ADAM28: variants seen among roughly 807,000 people sequenced by gnomAD.
ADAM28 encodes the protein ADAM metallopeptidase domain 28, also known as disintegrin and metalloproteinase domain-containing protein 28.
In ADAM28, 105 loss-of-function variants were observed where a neutral mutation model predicts 101.2. That is an observed-to-expected ratio of 1.04 (90% CI 0.89 to 1.22). ADAM28 has a LOEUF of 1.22. Among genes scored for constraint, ADAM28 ranks in the 50% most tolerant of loss-of-function variants. The pLI is 0.00. For synonymous variants in ADAM28, 322 were observed against 310.6 expected, an observed-to-expected ratio of 1.04 and a Z score of -0.39; for missense variants, 1,028 against 945.4, an observed-to-expected ratio of 1.09 and a Z score of -1.15.
At chr8:24,333,177 T>G (rs1386956223) in intron 13 of ADAM28, among the ~76,000 whole-genome samples, 1 of 151,746 alleles carries the variant, frequency 6.6e-6, no homozygotes, top group Non-Finnish European at 1.5e-5. Context: ...GCTCGGAAAA[T>G]GGGGAGATGA....
intron 1 of ADAM28, among the ~76,000 whole-genome samples, chr8:24,299,290 T>C (rs1282745142): frequency 6.6e-6 from 1 of 152,224 alleles, no homozygotes; most frequent in Non-Finnish European, 1.5e-5. Flanking sequence ...TCTCTTTCAA[T>C]ATGACTGCAG....
At position 24,355,580 on chromosome 8, in the gene ADAM28, C is replaced by T. The variant is rs1310545197; in HGVS notation, c.*1176C>T. ...TTACAACACTTCTGGAAAATTTTTC[C>T]TCGTCTCTTTTTCTGGATATGGGCA... On this transcript the variant is annotated 3_prime_UTR_variant, in exon 23 of 23. Transcript: ENST00000265769. 2 of 151,034 alleles carry T rather than the reference C, an allele frequency of 1.3e-5. No individual in the cohort carries two copies. The highest frequency in any genetic ancestry group is 2.9e-5 in the Non-Finnish European group (2 of 67,824). 9.4% of individuals were successfully genotyped at this position (151,034 alleles called of 1,614,324 possible). A position where few individuals can be genotyped will look rare whatever the true frequency, so the allele number is the denominator to read the frequency against.
Position 24,294,142 on chromosome 8 carries a change from C to G in ADAM28, c.-8C>G, listed in dbSNP as rs1411871558. The G allele has an allele frequency of 6.2e-7, 1 of 1,614,132 alleles. No homozygotes were observed. The highest frequency in any genetic ancestry group is 8.5e-7 in the Non-Finnish European group (1 of 1,179,988). On this transcript the variant is annotated 5_prime_UTR_variant, in exon 1 of 23. It adds an upstream start codon to the 5' untranslated region. Coordinates refer to ENST00000265769, the MANE Select transcript of ADAM28 (RefSeq NM_014265.6). The stretch of plus-strand genomic sequence containing the variant: ...AGAGCAGACACCGTGCTCCTGGAAT[C>G]ACCCAGCATGTTGCAAGGTCTCCTG...
rs1816126073 is a variant in ADAM28, at chr8:24,351,442, T to C, written c.2178+132T>C. On this transcript the variant is annotated intron_variant, in intron 20 of 22. Transcript: ENST00000265769. The stretch of plus-strand genomic sequence containing the variant: ...GTAACACATTCAGAAATGTCTCCTT[T>C]GCCTTTTGTTAAAGGCAAAAGAGTC... The C allele has an allele frequency of 4.1e-6, 4 of 977,048 alleles. No individual in the cohort carries two copies. The East Asian group carries it at 1.0e-4, about 24-fold the overall frequency. The allele number at this position is 977,048 out of a possible 1,614,324, so 60.5% of individuals were successfully genotyped here.
chr8:24,340,025 TAAAG>T (rs1351008277), intron 15 of ADAM28, among the ~76,000 whole-genome samples: 1 of 152,156 alleles, frequency 6.6e-6, no homozygotes, highest in African/African-American at 2.4e-5. Flanking sequence ...TAGAATTACA[TAAAG>T]AAAAAATACA....
At chr8:24,344,280 A>AT (rs1815147542) in intron 18 of ADAM28, among the ~76,000 whole-genome samples, 2 of 151,968 alleles carry the variant, frequency 1.3e-5, no homozygotes, top group African/African-American at 4.8e-5. Context: ...TCATCACCAC[A>AT]TTTTCTCCTG....
intron 13 of ADAM28, among the ~76,000 whole-genome samples, chr8:24,333,070 A>T (rs1056767367): frequency 2.6e-5 from 4 of 152,240 alleles, no homozygotes; most frequent in Non-Finnish European, 4.4e-5. Context: ...CCAGCATAGA[A>T]AGACAAACAC....
chr8:24,325,897 AAAAC>A (rs1585631329), intron 9 of ADAM28, among the ~76,000 whole-genome samples: 10 of 147,834 alleles, frequency 6.8e-5, no homozygotes, highest in Non-Finnish European at 9.0e-5. Flanking sequence ...AAAAAAAAAA[AAAAC>A]CAAAAAACAA....
chr8:24,318,462 AG>A lies in ADAM28; in HGVS notation c.577-1772del, dbSNP rs528427344. On this transcript the variant is annotated intron_variant, in intron 6 of 22. Coordinates refer to ENST00000265769, the MANE Select transcript of ADAM28 (RefSeq NM_014265.6). Reference sequence around the variant, plus strand: ...ACCCTGCCCTGTGCCTTATTTAAATAGGAACTGTGCACTAATGGCCATCAGA... The same window carrying A: ...ACCCTGCCCTGTGCCTTATTTAAATAGAACTGTGCACTAATGGCCATCAGA... Among the ~76,000 whole-genome samples, 20 of 152,062 alleles carry A rather than the reference AG, an allele frequency of 1.3e-4. 2 individuals are homozygous for A. The South Asian group carries it at 4.1e-3, about 32-fold the overall frequency.
At chr8:24,305,451 C>CCTT (rs1231715996) in intron 2 of ADAM28, among the ~76,000 whole-genome samples, 3 of 65,448 alleles carry the variant, frequency 4.6e-5, no homozygotes, top group African/African-American at 5.9e-5. Context: ...TAAGAGGTTT[C>CCTT]TTTTTTTTTT....
At position 24,351,991 on chromosome 8, in the gene ADAM28, G is replaced by C; in HGVS notation, c.2183G>C (p.Ser728Thr). ...MVKAVQPQEM[S>T]QMKPHVYDLP... is the part of the protein sequence containing the mutation. ...AATATTCGTTCTTCTTTTCAGATGAGTCAGATGAAGCCCCATGTGTATGAT... is the reference window on the plus strand; with the variant it reads ...AATATTCGTTCTTCTTTTCAGATGACTCAGATGAAGCCCCATGTGTATGAT... Residue 728 changes from serine to threonine, a missense_variant, in exon 21 of 23, where the codon AGT becomes ACT. Physicochemically the swap from Ser to Thr is moderately conservative, Grantham distance 58. Coordinates refer to ENST00000265769, the MANE Select transcript of ADAM28 (RefSeq NM_014265.6). 6.2e-7 allele frequency: 1 copy of C among 1,613,518 alleles called. No homozygotes were observed. Among genetic ancestry groups the C allele is most frequent in the Non-Finnish European group, 8.5e-7 (1 of 1,179,624 alleles).
At chr8:24,353,266 A>AGGT (rs1816382233) in intron 21 of ADAM28, among the ~76,000 whole-genome samples, 2 of 152,022 alleles carry the variant, frequency 1.3e-5, no homozygotes, top group African/African-American at 4.8e-5. Flanking sequence ...TTTCTGTAGG[A>AGGT]GGTAGGGTAT....
chr8:24,303,855 A>G (rs1253517158), intron 2 of ADAM28, among the ~76,000 whole-genome samples: 11 of 151,940 alleles, frequency 7.2e-5, no homozygotes. Flanking sequence ...GAGGTCCTTC[A>G]CTTCCCTTGT....
chr8:24,351,405 C>A (rs1477603742), intron 20 of ADAM28, 95 bp downstream of exon 20: 1 of 1,261,446 alleles, frequency 7.9e-7, no homozygotes, highest in Admixed American at 1.8e-5. Context: ...TTCTACCCAG[C>A]AGCGTTTTGC....
intron 20 of ADAM28, 109 bp from the exon 21 acceptor site, chr8:24,351,878 A>G: frequency 1.0e-6 from 1 of 984,098 alleles, no homozygotes; most frequent in Non-Finnish European, 1.6e-6. Flanking sequence ...TCTTGGTGTC[A>G]GCTTAGTTCC....
chr8:24,321,410 A>T lies in ADAM28; in HGVS notation c.720+121A>T. The T allele has an allele frequency of 3.6e-6, 3 of 823,262 alleles. No individual in the cohort carries two copies. In the Admixed American group the frequency reaches 5.4e-5, roughly 15 times the overall value. The allele number at this position is 823,262 out of a possible 1,614,324, so 51.0% of individuals were successfully genotyped here. ...AAGACATTTGAGACCAATGTGGCTGACTGGCTCCCAAAGGATGACCACAAC... is the reference window on the plus strand; with the variant it reads ...AAGACATTTGAGACCAATGTGGCTGTCTGGCTCCCAAAGGATGACCACAAC... On this transcript the variant is annotated intron_variant, in intron 8 of 22. Coordinates refer to ENST00000265769, the MANE Select transcript of ADAM28 (RefSeq NM_014265.6).
chr8:24,332,084 C>T (rs1813428829), intron 12 of ADAM28, among the ~76,000 whole-genome samples: 1 of 152,122 alleles, frequency 6.6e-6, no homozygotes, highest in Admixed American at 6.6e-5. Context: ...TATTGTAACC[C>T]TGAAACTCTC....
In ADAM28 at chr8:24,323,918, G is replaced by C; in HGVS notation, c.805G>C (p.Ala269Pro). 1 of 1,612,260 alleles carries C rather than the reference G, an allele frequency of 6.2e-7. No individual in the cohort carries two copies. The highest frequency in any genetic ancestry group is 1.7e-4 in the Middle Eastern group (1 of 6,046). Residue 269 changes from alanine to proline, a missense_variant, in exon 9 of 23, where the codon GCA (alanine) becomes CCA (proline). By Grantham distance (27) the Ala-to-Pro change is conservative. Coordinates refer to ENST00000265769, the MANE Select transcript of ADAM28 (RefSeq NM_014265.6). ...DKDKIKITPN[A>P]SFTLENFSKW... ...GGATAAGATAAAGATAACCCCAAAT[G>C]CAAGCTTCACCTTGGAGAATTTTTC...
chr8:24,351,160 C>T (rs1315855809), intron 19 of ADAM28, 72 bp from the exon 20 acceptor site: 27 of 1,269,596 alleles, frequency 2.1e-5, no homozygotes, highest in Non-Finnish European at 2.8e-5. Flanking sequence ...AGTTGGGAAT[C>T]TTCTACGGAG....
Sources: allele counts gnomAD v4.1 joint callset (sites outside exome capture counted in the v4.1 genomes callset), GRCh38; gene constraint gnomAD v4.1.1; transcripts MANE v1.5; gene names NCBI Gene and HGNC (gene_info 2026-07-23, HGNC 2026-07-21).